Variants in TENM2 observed in about 807,000 individuals in gnomAD.
TENM2 encodes teneurin-2.
A neutral mutation model predicts 245.2 loss-of-function variants in TENM2; 52 were observed. The observed-to-expected ratio is 0.21, with a 90% CI of 0.17 to 0.27. The LOEUF is 0.27. TENM2 is among the 10% of genes least tolerant of loss of function. The pLI, the probability that TENM2 is intolerant of heterozygous loss-of-function variation, is 1.00. For missense variants in TENM2, 3,046 were observed against 3,666.8 expected, an observed-to-expected ratio of 0.83 and a Z score of 4.37; for synonymous variants, 1,363 against 1,438.9, an observed-to-expected ratio of 0.95 and a Z score of 1.19.
chr5:168,213,661 C>T (rs72835058), intron 20 of TENM2, among the ~76,000 whole-genome samples: 2,218 of 146,794 alleles, frequency 0.015, 36 homozygotes, highest in Non-Finnish European at 0.021. Context: ...CCCATCTCTA[C>T]CAAAAAAAAA....
the TENM2 span, among the ~76,000 whole-genome samples, chr5:167,059,775 C>T: frequency 6.7e-6 from 1 of 149,356 alleles, no homozygotes; most frequent in Admixed American, 6.7e-5. Context: ...GTGATCTCAG[C>T]TCACTGCAAC....
At chr5:167,863,649 A>T (rs1333347953) in intron 2 of TENM2, among the ~76,000 whole-genome samples, 4 of 152,180 alleles carry the variant, frequency 2.6e-5, no homozygotes, top group African/African-American at 9.7e-5. Context: ...GTGTCTCAAT[A>T]AATAAATAAA....
rs776081923 is a variant in TENM2 at position 168,218,008 on chromosome 5, A to T, written c.4234-117A>T. 2.1e-5 allele frequency: 22 copies of T among 1,062,750 alleles called. No homozygotes were observed. The highest frequency in any genetic ancestry group is 2.9e-5 in the Non-Finnish European group (21 of 735,852). The allele number at this position is 1,062,750 out of a possible 1,614,324, so 65.8% of individuals were successfully genotyped here. On this transcript the variant is annotated intron_variant, in intron 22 of 28. Coordinates refer to ENST00000518659, the Ensembl canonical transcript of TENM2. This position sits in a 1 kb window ranked among gnomAD's most constrained non-coding sequence, Gnocchi z 5.2. ...GTTCAATGAAGAGCATTTCTAATACAATGTGTTATTAAAAAGCTGTCTTTT... is the reference window on the plus strand; with the variant it reads ...GTTCAATGAAGAGCATTTCTAATACTATGTGTTATTAAAAAGCTGTCTTTT...
At chr5:167,264,625 T>C in the TENM2 span, among the ~76,000 whole-genome samples, 4 of 152,158 alleles carry the variant, frequency 2.6e-5, no homozygotes, top group African/African-American at 9.7e-5. Context: ...TACTGCAATA[T>C]CTTAAGATCC....
chr5:168,112,888 A>G (rs934688448), intron 9 of TENM2, among the ~76,000 whole-genome samples: 1 of 152,204 alleles, frequency 6.6e-6, no homozygotes, highest in Non-Finnish European at 1.5e-5. Flanking sequence ...TAACCAAGCT[A>G]CTAACCCATG....
chr5:167,135,327 C>T, the TENM2 span, among the ~76,000 whole-genome samples: 1 of 152,170 alleles, frequency 6.6e-6, no homozygotes, highest in African/African-American at 2.4e-5. Flanking sequence ...TTTAAAGCTA[C>T]TAACAGAGCT....
At chr5:167,088,664 A>G in the TENM2 span, among the ~76,000 whole-genome samples, 4 of 151,874 alleles carry the variant, frequency 2.6e-5, no homozygotes, top group African/African-American at 9.7e-5. Context: ...AAAAACAGTT[A>G]GAAAGCTATT....
At chr5:167,711,604 G>A (rs1758917946) in intron 2 of TENM2, among the ~76,000 whole-genome samples, 1 of 152,148 alleles carries the variant, frequency 6.6e-6, no homozygotes, top group Non-Finnish European at 1.5e-5. Context: ...CTGTTTATCT[G>A]TGCCAGCTTC....
chr5:168,153,830 C>G (rs1019392976), intron 12 of TENM2, among the ~76,000 whole-genome samples: 1 of 152,128 alleles, frequency 6.6e-6, no homozygotes, highest in African/African-American at 2.4e-5. Flanking sequence ...GTCCCAGGAC[C>G]ACACTTTGAG....
At chr5:167,856,147 T>C (rs571471965) in intron 2 of TENM2, among the ~76,000 whole-genome samples, 1 of 152,208 alleles carries the variant, frequency 6.6e-6, no homozygotes, top group East Asian at 1.9e-4. Flanking sequence ...AAACAAACAA[T>C]GTGACCCGTT....
At chr5:167,763,727 C>T (rs189772103) in intron 2 of TENM2, among the ~76,000 whole-genome samples, 4 of 152,220 alleles carry the variant, frequency 2.6e-5, no homozygotes, top group African/African-American at 7.2e-5. Flanking sequence ...TGTTTTAATA[C>T]CTAGAATTTT....
At chr5:167,039,539 C>T in the TENM2 span, among the ~76,000 whole-genome samples, 5 of 152,074 alleles carry the variant, frequency 3.3e-5, no homozygotes, top group Admixed American at 2.0e-4. Flanking sequence ...AATGTGGCCT[C>T]TGCTCATACT....
At chr5:167,562,972 A>AAG (rs1554181680) in intron 2 of TENM2, among the ~76,000 whole-genome samples, 2 of 151,614 alleles carry the variant, frequency 1.3e-5, no homozygotes, top group African/African-American at 4.8e-5. Flanking sequence ...AAAAAAAAAA[A>AAG]AAAGAAAAAG....
chr5:167,586,867 T>G (rs1775534503), intron 2 of TENM2, among the ~76,000 whole-genome samples: 1 of 86,720 alleles, frequency 1.2e-5, no homozygotes, highest in South Asian at 3.8e-4. Flanking sequence ...TCTAAGTTGT[T>G]GAAAAAATAG....
chr5:167,677,584 T>G (rs1756417217), intron 2 of TENM2, among the ~76,000 whole-genome samples: 1 of 151,792 alleles, frequency 6.6e-6, no homozygotes, highest in East Asian at 1.9e-4. Flanking sequence ...CAACTTTTAT[T>G]CACCACCCAA....
the TENM2 span, among the ~76,000 whole-genome samples, chr5:167,055,992 T>G: frequency 6.6e-6 from 1 of 152,032 alleles, no homozygotes; most frequent in East Asian, 1.9e-4. Flanking sequence ...GTTCCTGATT[T>G]TAGTGAGAAA....
intron 1 of TENM2, among the ~76,000 whole-genome samples, chr5:167,350,705 GAT>G (rs72398072): frequency 0.031 from 2,958 of 95,070 alleles, 226 homozygotes; most frequent in African/African-American, 0.11. Context: ...TACATATATG[GAT>G]ATATATATAT....
intron 1 of TENM2, among the ~76,000 whole-genome samples, chr5:167,344,182 G>C (rs1758297464): frequency 6.8e-6 from 1 of 147,942 alleles, no homozygotes; most frequent in Non-Finnish European, 1.5e-5. Flanking sequence ...ATAAAGTAGA[G>C]AATACACACA....
chr5:167,301,587 T>G (rs1755330397), intron 1 of TENM2, among the ~76,000 whole-genome samples: 1 of 152,176 alleles, frequency 6.6e-6, no homozygotes, highest in Non-Finnish European at 1.5e-5. Flanking sequence ...TTTTGGAGTT[T>G]TATTTAATGT....
Sources: allele counts gnomAD v4.1 joint callset (sites outside exome capture counted in the v4.1 genomes callset), GRCh38; gene constraint gnomAD v4.1.1; non-coding constraint Gnocchi (gnomAD v3.1); transcripts MANE v1.5; gene names NCBI Gene and HGNC (gene_info 2026-07-23, HGNC 2026-07-21).